Variants in MARCHF1 observed in about 807,000 individuals in gnomAD.
The protein encoded by MARCHF1 is E3 ubiquitin-protein ligase MARCHF1.
Under a neutral mutation model 54.2 loss-of-function variants are expected in MARCHF1, and 40 were observed. That is an observed-to-expected ratio of 0.74 (90% CI 0.57 to 0.96). The LOEUF (loss-of-function observed/expected upper bound fraction) is 0.96. MARCHF1 is among the 40% of genes least tolerant of loss of function. The pLI is 0.00. For missense variants in MARCHF1, 586 were observed against 656.5 expected (o/e 0.89, Z 1.17); for synonymous variants, 236 against 236.3 (o/e 1.00, Z 0.01).
chr4:163,773,913 A>G (rs962487591), intron 4 of MARCHF1, among the ~76,000 whole-genome samples: 1 of 152,206 alleles, frequency 6.6e-6, no homozygotes, highest in Admixed American at 6.5e-5. Flanking sequence ...GGTGCCATTC[A>G]AGCCAAATAA....
intron 8 of MARCHF1, among the ~76,000 whole-genome samples, chr4:163,550,900 C>G (rs946186451): frequency 6.6e-6 from 1 of 152,148 alleles, no homozygotes; most frequent in Non-Finnish European, 1.5e-5. Context: ...ACCAAACTCA[C>G]GGAATCAGAA....
chr4:163,624,200 C>G (rs149958671), intron 5 of MARCHF1, among the ~76,000 whole-genome samples: 1 of 152,258 alleles, frequency 6.6e-6, no homozygotes, highest in Non-Finnish European at 1.5e-5. Flanking sequence ...ATGGCAAGTT[C>G]AGCTGAGCCA....
chr4:163,999,228 T>C (rs1487838846), intron 2 of MARCHF1, among the ~76,000 whole-genome samples: 1 of 151,592 alleles, frequency 6.6e-6, no homozygotes, highest in East Asian at 1.9e-4. Flanking sequence ...TAGATATTAT[T>C]TTGGTTAAAA....
intron 2 of MARCHF1, among the ~76,000 whole-genome samples, chr4:164,088,507 A>G (rs1230845404): frequency 2.0e-5 from 3 of 152,098 alleles, no homozygotes; most frequent in Non-Finnish European, 4.4e-5. Flanking sequence ...GGAGGCCAAG[A>G]TGGGCAGATT....
intron 8 of MARCHF1, among the ~76,000 whole-genome samples, chr4:163,575,987 G>A (rs1740023614): frequency 6.6e-6 from 1 of 151,794 alleles, no homozygotes. Context: ...TTTTCAAAGA[G>A]CGAACTTTTT....
chr4:164,058,447 C>G (rs931547708), intron 2 of MARCHF1, among the ~76,000 whole-genome samples: 2 of 152,178 alleles, frequency 1.3e-5, no homozygotes, highest in Non-Finnish European at 2.9e-5. Context: ...GGGATTGTGA[C>G]CAGTGAAGTC....
rs976566421 is a variant in MARCHF1 at position 163,560,776 on chromosome 4, A to G, written c.1192-15033T>C. Among the ~76,000 whole-genome samples, 7 of 152,156 alleles carry G rather than the reference A, an allele frequency of 4.6e-5. No individual in the cohort carries two copies. In the East Asian group the frequency reaches 1.2e-3, roughly 25 times the overall value. ...TATCCCTAAGTATCTAATAATTTAA[A>G]TGCTATTGCAAATAATATTTTTAAA... is the stretch of plus-strand genomic sequence containing the variant. On this transcript the variant is annotated intron_variant, in intron 8 of 9. Coordinates refer to ENST00000514618, the MANE Select transcript of MARCHF1 (RefSeq NM_001394959.1).
At chr4:164,013,871 A>G (rs1002209249) in intron 2 of MARCHF1, among the ~76,000 whole-genome samples, 1 of 152,194 alleles carries the variant, frequency 6.6e-6, no homozygotes, top group African/African-American at 2.4e-5. Flanking sequence ...CTTAAAAGAC[A>G]TGCTAAAGGG....
At chr4:163,596,253 T>C (rs908412513) in intron 7 of MARCHF1, among the ~76,000 whole-genome samples, 6 of 152,006 alleles carry the variant, frequency 3.9e-5, no homozygotes, top group African/African-American at 1.4e-4. Flanking sequence ...TCAAGAGTCA[T>C]CTATTGGCTG....
chr4:163,992,784 ATATTT>A (rs1211942063), intron 2 of MARCHF1, among the ~76,000 whole-genome samples: 10 of 148,590 alleles, frequency 6.7e-5, no homozygotes, highest in Non-Finnish European at 1.0e-4. Context: ...ATATAAAATT[ATATTT>A]TATATTTATA....
chr4:164,146,911 T>C (rs1244871306), intron 1 of MARCHF1, among the ~76,000 whole-genome samples: 4 of 149,550 alleles, frequency 2.7e-5, no homozygotes, highest in African/African-American at 4.9e-5. Flanking sequence ...AGAAAATTTT[T>C]GCAACCTACT....
intron 3 of MARCHF1, among the ~76,000 whole-genome samples, chr4:163,898,604 C>A (rs1018524507): frequency 2.0e-5 from 3 of 152,122 alleles, no homozygotes; most frequent in African/African-American, 7.2e-5. Flanking sequence ...ATTAGTTCAA[C>A]CTCTCTGGAA....
rs560530572 is a variant in MARCHF1, at chr4:164,066,204, T to C, written c.-248+45384A>G. 2.6e-5 allele frequency among the ~76,000 whole-genome samples: 4 copies of C among 151,064 alleles called. No homozygotes were observed. The East Asian group carries it at 5.8e-4, about 22-fold the overall frequency. ...AGAAAAAAAAAACTCCATTAAAAAG[T>C]GGACAAATGATATAAACACTTTTCA... On this transcript the variant is annotated intron_variant, in intron 2 of 9. Coordinates refer to ENST00000514618, the MANE Select transcript of MARCHF1 (RefSeq NM_001394959.1).
rs550422959 is a variant in MARCHF1, at chr4:163,634,191, A to T, written c.163-20798T>A. 3.4e-4 allele frequency among the ~76,000 whole-genome samples: 52 copies of T among 151,954 alleles called. No individual in the cohort carries two copies. The South Asian group carries it at 0.01, about 31-fold the overall frequency. ...GACTAGGAAGAAACTGCATCAACTA[A>T]TGAGCAAAATAACCAGCTAACATCA... is the stretch of plus-strand genomic sequence containing the variant. On this transcript the variant is annotated intron_variant, in intron 5 of 9. Coordinates refer to ENST00000514618, the MANE Select transcript of MARCHF1 (RefSeq NM_001394959.1).
intron 3 of MARCHF1, among the ~76,000 whole-genome samples, chr4:163,896,498 G>A (rs568370034): frequency 4.0e-4 from 61 of 152,160 alleles, no homozygotes; most frequent in African/African-American, 1.5e-3. Flanking sequence ...CTCCCTTCTT[G>A]AAATTCCTTT....
intron 3 of MARCHF1, among the ~76,000 whole-genome samples, chr4:163,954,199 A>T (rs1388749792): frequency 6.6e-6 from 1 of 152,230 alleles, no homozygotes; most frequent in African/African-American, 2.4e-5. Flanking sequence ...GTAGGAAATT[A>T]TAGTTCTCAT....
intron 5 of MARCHF1, among the ~76,000 whole-genome samples, chr4:163,684,574 C>T (rs1167167104): frequency 2.6e-5 from 4 of 152,118 alleles, no homozygotes; most frequent in African/African-American, 9.7e-5. Context: ...CTAATTTTAT[C>T]TGATAACTCC....
At chr4:164,358,251 G>A (rs921462357) in intron 1 of MARCHF1, among the ~76,000 whole-genome samples, 2 of 152,142 alleles carry the variant, frequency 1.3e-5, no homozygotes, top group African/African-American at 4.8e-5. Flanking sequence ...GGAGGCCACA[G>A]CATCCTCTTG....
intron 4 of MARCHF1, among the ~76,000 whole-genome samples, chr4:163,750,716 A>G (rs1031530412): frequency 4.6e-5 from 7 of 152,104 alleles, no homozygotes; most frequent in African/African-American, 1.2e-4. Flanking sequence ...TGATACCCAC[A>G]GTAGAATATT....
Sources: allele counts gnomAD v4.1 joint callset (sites outside exome capture counted in the v4.1 genomes callset), GRCh38; gene constraint gnomAD v4.1.1; transcripts MANE v1.5; gene names NCBI Gene and HGNC (gene_info 2026-07-23, HGNC 2026-07-21).